The following FAF1 variants were observed in gnomAD, a reference collection of about 807,000 sequenced individuals.
FAF1 encodes the protein FAS-associated factor 1.
Under a neutral mutation model 92.5 loss-of-function variants are expected in FAF1, and 25 were observed. The ratio of observed to expected loss-of-function variants is 0.27; its 90% CI spans 0.20 to 0.38. FAF1 has a LOEUF of 0.38. FAF1 is among the 10% of genes least tolerant of loss of function. The pLI is 1.00. For synonymous variants in FAF1, 234 were observed against 273.2 expected (o/e 0.86, Z 1.42); for missense variants, 636 against 793.3 (o/e 0.80, Z 2.38).
chr1:50,856,861 T>C (rs1194968328), intron 2 of FAF1, among the ~76,000 whole-genome samples: 1 of 151,784 alleles, frequency 6.6e-6, no homozygotes, highest in Non-Finnish European at 1.5e-5. Flanking sequence ...TATGAAATAC[T>C]ATGCAAACAT....
chr1:50,563,624 C>T (rs1304939569), intron 13 of FAF1, among the ~76,000 whole-genome samples: 1 of 152,124 alleles, frequency 6.6e-6, no homozygotes. Flanking sequence ...GAAATAAATG[C>T]ATACATTCAT....
intron 2 of FAF1, among the ~76,000 whole-genome samples, chr1:50,855,321 GT>G (rs761206527): frequency 6.6e-6 from 1 of 151,546 alleles, no homozygotes; most frequent in Non-Finnish European, 1.5e-5. Flanking sequence ...CACTGAATGT[GT>G]TTTTTTATTA....
chr1:50,572,674 A>C (rs903529430), intron 12 of FAF1, among the ~76,000 whole-genome samples: 5 of 152,284 alleles, frequency 3.3e-5, no homozygotes, highest in African/African-American at 4.8e-5. Flanking sequence ...ACCTTGGGAA[A>C]GTCACTACAC....
chr1:50,761,129 C>T (rs1018034878), intron 4 of FAF1, among the ~76,000 whole-genome samples: 31 of 152,290 alleles, frequency 2.0e-4, no homozygotes, highest in African/African-American at 6.7e-4. Context: ...CCTCCCAAGA[C>T]TAAACCAGGA....
intron 8 of FAF1, among the ~76,000 whole-genome samples, chr1:50,643,410 T>C (rs1654438188): frequency 6.6e-6 from 1 of 152,150 alleles, no homozygotes; most frequent in East Asian, 1.9e-4. Context: ...TTAATTTTTT[T>C]CCTAAAATTT....
intron 12 of FAF1, among the ~76,000 whole-genome samples, chr1:50,578,042 C>T (rs1650831277): frequency 6.6e-6 from 1 of 152,194 alleles, no homozygotes; most frequent in Non-Finnish European, 1.5e-5. Context: ...TAGTGTTTTA[C>T]TTAGTGATTA....
chr1:50,854,435 T>C (rs1344319803), intron 2 of FAF1, among the ~76,000 whole-genome samples: 1 of 151,958 alleles, frequency 6.6e-6, no homozygotes, highest in African/African-American at 2.4e-5. Flanking sequence ...CAGGACAATG[T>C]GAAAAATGGT....
intron 1 of FAF1, among the ~76,000 whole-genome samples, chr1:50,959,386 CGCTCACACTCCAT>C (rs1645297149): frequency 6.6e-6 from 1 of 152,098 alleles, no homozygotes; most frequent in Admixed American, 6.6e-5. Context: ...ACACGCTCCA[CGCTCACACTCCAT>C]ACATCTCTCC....
chr1:50,862,983 T>C (rs1469369411), intron 1 of FAF1, among the ~76,000 whole-genome samples: 3 of 151,892 alleles, frequency 2.0e-5, no homozygotes, highest in East Asian at 3.9e-4. Context: ...AAAGAAACAA[T>C]GAACTTAAAC....
At chr1:50,799,505 TAA>T (rs1032418346) in intron 3 of FAF1, among the ~76,000 whole-genome samples, 1 of 145,880 alleles carries the variant, frequency 6.9e-6, no homozygotes. Flanking sequence ...TTCTTTCTCT[TAA>T]AAAAAAAAAG....
chr1:50,681,413 A>G (rs1260621368), intron 7 of FAF1, among the ~76,000 whole-genome samples: 1 of 152,042 alleles, frequency 6.6e-6, no homozygotes, highest in African/African-American at 2.4e-5. Flanking sequence ...TCATCACTTC[A>G]TTATTCTTTA....
intron 8 of FAF1, among the ~76,000 whole-genome samples, chr1:50,633,983 T>C (rs1044465789): frequency 3.3e-5 from 5 of 152,226 alleles, no homozygotes; most frequent in South Asian, 2.1e-4. Context: ...AAGACTTTCA[T>C]TGGCTCTGGG....
At chr1:50,630,427 T>C (rs772815067) in intron 8 of FAF1, among the ~76,000 whole-genome samples, 11 of 152,216 alleles carry the variant, frequency 7.2e-5, no homozygotes, top group Non-Finnish European at 1.5e-4. Context: ...TTTGAACTTC[T>C]GGATTCAGGA....
intron 1 of FAF1, among the ~76,000 whole-genome samples, chr1:50,900,520 C>G (rs1644787925): frequency 6.6e-6 from 1 of 152,028 alleles, no homozygotes; most frequent in Non-Finnish European, 1.5e-5. Flanking sequence ...TGGAGTCAGA[C>G]CAGTCTGACT....
At position 50,583,996 on chromosome 1, in the gene FAF1, C is replaced by A. The variant is rs942014350; in HGVS notation, c.968-281G>T. Among the ~76,000 whole-genome samples, 2 of 152,118 alleles carry A rather than the reference C, an allele frequency of 1.3e-5. No individual in the cohort carries two copies. Among genetic ancestry groups the A allele is most frequent in the East Asian group, 3.9e-4 (2 of 5,182 alleles). On this transcript the variant is annotated intron_variant, in intron 10 of 18. Transcript: ENST00000396153. This position sits in a 1 kb window ranked among gnomAD's most constrained non-coding sequence, Gnocchi z 4.2. ...TCCTGCTAAGCATTTAAAATATGTG[C>A]CCAGTTGTCATTTAGGATTTCAATG...
intron 1 of FAF1, among the ~76,000 whole-genome samples, chr1:50,923,339 A>C (rs1392983714): frequency 6.6e-6 from 1 of 152,166 alleles, no homozygotes; most frequent in Non-Finnish European, 1.5e-5. Context: ...CCTTGACTCT[A>C]GGAGTTTGAG....
In FAF1 at chr1:50,438,536, T is replaced by G. The variant is rs1646145348; in HGVS notation, c.*2904A>C. On this transcript the variant is annotated 3_prime_UTR_variant, in exon 19 of 19. Transcript: ENST00000396153. ...CTAAAGACTCCAAGTCCCATCCACT[T>G]GTGGGGACCCAGGACTGGATGGCTA... The G allele has an allele frequency of 6.6e-6, 1 of 152,252 alleles. No individual in the cohort carries two copies. Among genetic ancestry groups the G allele is most frequent in the African/African-American group, 2.4e-5 (1 of 41,458 alleles). 9.4% of individuals were successfully genotyped at this position (152,252 alleles called of 1,614,324 possible).
intron 2 of FAF1, among the ~76,000 whole-genome samples, chr1:50,847,891 A>T (rs1418195288): frequency 6.6e-6 from 1 of 150,378 alleles, no homozygotes; most frequent in Non-Finnish European, 1.5e-5. Flanking sequence ...ACACATATAC[A>T]CACACACACA....
At chr1:50,835,784 A>G (rs1431962522) in intron 2 of FAF1, among the ~76,000 whole-genome samples, 3 of 152,152 alleles carry the variant, frequency 2.0e-5, no homozygotes, top group Non-Finnish European at 4.4e-5. Context: ...CTCCCCCTAG[A>G]GCCAATTAGG....
Sources: allele counts gnomAD v4.1 joint callset (sites outside exome capture counted in the v4.1 genomes callset), GRCh38; gene constraint gnomAD v4.1.1; non-coding constraint Gnocchi (gnomAD v3.1); transcripts MANE v1.5; gene names NCBI Gene and HGNC (gene_info 2026-07-23, HGNC 2026-07-21).